Variants in ZBED1 observed in about 807,000 individuals in gnomAD.
The protein encoded by ZBED1 is zinc finger BED-type containing 1.
Under a neutral mutation model 49.7 loss-of-function variants are expected in ZBED1, and 19 were observed. That is an observed-to-expected ratio of 0.38 (90% CI 0.27 to 0.56). The LOEUF is 0.56. Ranked by LOEUF, ZBED1 falls within the 20% of genes least tolerant of loss-of-function variation. The pLI is 0.70. For synonymous variants in ZBED1, 439 were observed against 440.3 expected, an observed-to-expected ratio of 1.00 and a Z score of 0.04; for missense variants, 806 against 972.6, an observed-to-expected ratio of 0.83 and a Z score of 2.28.
At position 2,486,883 on chromosome X, in the gene ZBED1, T is replaced by G. The variant is rs1255521842; in HGVS notation, c.*1752A>C. ...TAACATTCTGTGCTGCTTGCAGCCC[T>G]GAGAAGTCAGCAGCCGTGAAAGGCA... On this transcript the variant is annotated 3_prime_UTR_variant, in exon 2 of 2. Transcript: ENST00000652001. 6.6e-6 allele frequency: 1 copy of G among 152,242 alleles called. No homozygotes were observed. The highest frequency in any genetic ancestry group is 1.5e-5 in the Non-Finnish European group (1 of 68,044). 9.4% of individuals were successfully genotyped at this position (152,242 alleles called of 1,614,324 possible).
In ZBED1 at chrX:2,489,463, G is replaced by T; in HGVS notation, c.1257C>A (p.Ile419=). 2 of 1,613,920 alleles carry T rather than the reference G, an allele frequency of 1.2e-6. No individual in the cohort carries two copies. The highest frequency in any genetic ancestry group is 8.5e-7 in the Non-Finnish European group (1 of 1,179,868). ...TGTGCAGCAGCGGCTTCACCATGCTGATGGTGGGGTACCTGGAGGCCGACA... is the reference window on the plus strand; with the variant it reads ...TGTGCAGCAGCGGCTTCACCATGCTTATGGTGGGGTACCTGGAGGCCGACA... The part of the protein sequence containing the change: ...EMLSASRYPT[I]SMVKPLLHML... Residue 419 remains isoleucine (I), a synonymous_variant, in exon 2 of 2, where the codon ATC becomes ATA. Transcript: ENST00000652001.
At position 2,500,805 on chromosome X, in the gene ZBED1, C is replaced by T. The variant is rs1167970270; in HGVS notation, c.-54+12G>A. ...GTCCCCGGAGCCCTGACCCCTGCCC[C>T]GCCCCGCTGACCTGGCTCCAGGAAG... On this transcript the variant is annotated intron_variant, in intron 1 of 1. Coordinates refer to ENST00000652001, the MANE Select transcript of ZBED1 (RefSeq NM_001171136.2). 9.2e-5 allele frequency: 103 copies of T among 1,120,598 alleles called. No homozygotes were observed. Among genetic ancestry groups the T allele is most frequent in the Non-Finnish European group, 1.1e-4 (103 of 914,930 alleles). 69.4% of individuals were successfully genotyped at this position (1,120,598 alleles called of 1,614,324 possible). A position where few individuals can be genotyped will look rare whatever the true frequency, so the allele number is the denominator to read the frequency against.
At chrX:2,497,163 A>T (rs2045306447) in intron 1 of ZBED1, among the ~76,000 whole-genome samples, 2 of 152,142 alleles carry the variant, frequency 1.3e-5, no homozygotes, top group African/African-American at 4.8e-5. Flanking sequence ...TGGGATGCCA[A>T]GGTGGACTAT....
rs867980730 is a variant in ZBED1, at chrX:2,486,982, C to T, written c.*1653G>A. 1 of 152,214 alleles carries T rather than the reference C, an allele frequency of 6.6e-6. No homozygotes were observed. The highest frequency in any genetic ancestry group is 2.1e-4 in the South Asian group (1 of 4,828). The allele number at this position is 152,214 out of a possible 1,614,324, so 9.4% of individuals were successfully genotyped here. A position where few individuals can be genotyped will look rare whatever the true frequency, so the allele number is the denominator to read the frequency against. On this transcript the variant is annotated 3_prime_UTR_variant, in exon 2 of 2. Coordinates refer to ENST00000652001, the MANE Select transcript of ZBED1 (RefSeq NM_001171136.2). ...AACACTGCCTGGAGCTGAGTGGGGT[C>T]ATCCCTCCTAGACACCGTTCTCCCC...
At chrX:2,493,365 T>C (rs192782714) in intron 1 of ZBED1, among the ~76,000 whole-genome samples, 115 of 152,196 alleles carry the variant, frequency 7.6e-4, no homozygotes, top group South Asian at 1.5e-3. Flanking sequence ...GTTTTGGTAA[T>C]TGGGAGGAAA....
At chrX:2,497,912 A>C (rs1466809499) in intron 1 of ZBED1, among the ~76,000 whole-genome samples, 1 of 152,208 alleles carries the variant, frequency 6.6e-6, no homozygotes, top group Non-Finnish European at 1.5e-5. Context: ...CACTGATTAA[A>C]TCATCTATTT....
intron 1 of ZBED1, among the ~76,000 whole-genome samples, chrX:2,495,769 C>CG (rs1569349919): frequency 6.7e-6 from 1 of 149,886 alleles, no homozygotes; most frequent in African/African-American, 2.5e-5. Flanking sequence ...ATCCCCAGTG[C>CG]GGGGGGAGGG....
chrX:2,496,695 G>T (rs1229707747), intron 1 of ZBED1, among the ~76,000 whole-genome samples: 1 of 151,804 alleles, frequency 6.6e-6, no homozygotes, highest in African/African-American at 2.4e-5. Flanking sequence ...AAAAATAGCG[G>T]GTGATAGATA....
At chrX:2,493,820 T>C (rs1351574448) in intron 1 of ZBED1, among the ~76,000 whole-genome samples, 2 of 151,966 alleles carry the variant, frequency 1.3e-5, no homozygotes, top group African/African-American at 4.8e-5. Flanking sequence ...AAATACAAAA[T>C]TAGCCGGGCG....
rs139785132 is a variant in ZBED1, at chrX:2,490,096, G to A, written c.624C>T (p.Arg208=). The change falls in exon 2 of 2, where the codon CGC becomes CGT. Residue 208 remains arginine, a synonymous_variant. Transcript: ENST00000652001. ...AGTGGGCGGCCAGCGTGACGTAGGC[G>A]CGGTTCTGATTCTCACTCCTCCACA... is the stretch of plus-strand genomic sequence containing the variant. ...TDMWRSENQN[R]AYVTLAAHFL... is the part of the protein sequence containing the mutation. 1.1e-4 allele frequency: 180 copies of A among 1,613,852 alleles called. No homozygotes were observed. In the African/African-American group the frequency reaches 1.6e-3, roughly 14 times the overall value.
intron 1 of ZBED1, among the ~76,000 whole-genome samples, chrX:2,499,373 G>T (rs1481200512): frequency 2.6e-5 from 4 of 152,106 alleles, no homozygotes; most frequent in African/African-American, 9.7e-5. Flanking sequence ...CTCTGTTTTG[G>T]AAAACTGTTA....
chrX:2,492,322 G>T, intron 1 of ZBED1, among the ~76,000 whole-genome samples: 1 of 152,268 alleles, frequency 6.6e-6, no homozygotes, highest in East Asian at 1.9e-4. Context: ...CACAGGAGAA[G>T]ACCACATGGA....
In ZBED1 at chrX:2,488,982, C is replaced by A; in HGVS notation, c.1738G>T (p.Val580Leu). ...AGGGGGTCTTCGTTGAGGCCAAGCA[C>A]CTTCTGGGACTTGAAGTTGCTCAGC... is the stretch of plus-strand genomic sequence containing the variant. ...EELSNFKSQK[V>L]LGLNEDPLKW... is the part of the protein sequence containing the mutation. Residue 580 changes from valine to leucine, a missense_variant, in exon 2 of 2, where the codon GTG becomes TTG. Physicochemically the swap from Val to Leu is conservative, Grantham distance 32 (BLOSUM62 1). Around this residue, in one of 2 missense-constraint regions of ZBED1, gnomAD observed 749 missense variants for 861.3 expected, o/e 0.87. Transcript: ENST00000652001. 1.2e-6 allele frequency: 2 copies of A among 1,603,740 alleles called. No homozygotes were observed. The highest frequency in any genetic ancestry group is 2.2e-5 in the South Asian group (2 of 89,500).
chrX:2,489,169 C>T lies in ZBED1; in HGVS notation c.1551G>A (p.Glu517=). 1.2e-6 allele frequency: 2 copies of T among 1,613,658 alleles called. No individual in the cohort carries two copies. The highest frequency in any genetic ancestry group is 1.7e-6 in the Non-Finnish European group (2 of 1,179,862). Residue 517 remains glutamate (E), a synonymous_variant, in exon 2 of 2, where the codon GAG becomes GAA. Coordinates refer to ENST00000652001, the MANE Select transcript of ZBED1 (RefSeq NM_001171136.2). ...CCTCGGGCACCGGGAAGATCTTGTC[C>T]TCAGCCGGCCGGTAGCCGCCGTCTT... is the stretch of plus-strand genomic sequence containing the variant. The part of the protein sequence containing the change: ...KVKDGGYRPA[E]DKIFPVPEEP...
In ZBED1 at chrX:2,488,519, G is replaced by A. The variant is rs913600200; in HGVS notation, c.*116C>T. On this transcript the variant is annotated 3_prime_UTR_variant, in exon 2 of 2. Coordinates refer to ENST00000652001, the MANE Select transcript of ZBED1 (RefSeq NM_001171136.2). ...TCTTTCCTTTTTCCACCTTCTAGGT[G>A]TCAAAGACAGTGGATGGTCTCTGAG... is the stretch of plus-strand genomic sequence containing the variant. The A allele has an allele frequency of 1.6e-4, 214 of 1,312,636 alleles. No individual in the cohort carries two copies. The highest frequency in any genetic ancestry group is 1.7e-4 in the Non-Finnish European group (164 of 971,428). The allele number at this position is 1,312,636 out of a possible 1,614,324, so 81.3% of individuals were successfully genotyped here. A position where few individuals can be genotyped will look rare whatever the true frequency, so the allele number is the denominator to read the frequency against.
In ZBED1 at chrX:2,488,841, T is replaced by G. The variant is rs1228126175; in HGVS notation, c.1879A>C (p.Asn627His). 2.5e-6 allele frequency: 4 copies of G among 1,613,736 alleles called. No homozygotes were observed. The highest frequency in any genetic ancestry group is 3.4e-6 in the Non-Finnish European group (4 of 1,179,828). ...APERLFGSAA[N>H]VVSAKRNRLA... ...CGGTTCCTCTTGGCGCTGACCACGT[T>G]GGCGGCGGATCCGAAGAGACGCTCA... Residue 627 changes from asparagine (N) to histidine (H), a missense_variant, in exon 2 of 2, where the codon AAC (asparagine) becomes CAC (histidine). By Grantham distance (68) the Asn-to-His change is moderately conservative. This residue lies in a region of ZBED1 where 749 missense variants were observed against 861.3 expected (regional missense o/e 0.87). Transcript: ENST00000652001.
intron 1 of ZBED1, chrX:2,500,438 G>C (rs1377056040): frequency 6.1e-6 from 1 of 165,192 alleles, no homozygotes; most frequent in African/African-American, 2.4e-5. Flanking sequence ...GGCGCGGGGC[G>C]TGCGAGCCCC....
rs763041799 is a variant in ZBED1 at position 2,489,538 on chromosome X, G to A, written c.1182C>T (p.Ile394=). Residue 394 remains isoleucine, a synonymous_variant, in exon 2 of 2, where the codon ATC becomes ATT. Transcript: ENST00000652001. ...LMLEASEWAT[I]EGLVELLQPF... is the part of the protein sequence containing the mutation. Reference sequence around the variant, plus strand: ...GCTGCAGGAGCTCCACCAGCCCCTCGATGGTGGCCCACTCGCTGGCCTCCA... The same window carrying A: ...GCTGCAGGAGCTCCACCAGCCCCTCAATGGTGGCCCACTCGCTGGCCTCCA... 1.4e-5 allele frequency: 22 copies of A among 1,612,792 alleles called. No individual in the cohort carries two copies. The South Asian group carries it at 1.5e-4, about 11-fold the overall frequency.
At chrX:2,495,773 G>A (rs761222119) in intron 1 of ZBED1, among the ~76,000 whole-genome samples, 1 of 152,194 alleles carries the variant, frequency 6.6e-6, no homozygotes, top group African/African-American at 2.4e-5. Context: ...CCAGTGCGGG[G>A]GGAGGGGGGT....
Sources: allele counts gnomAD v4.1 joint callset (sites outside exome capture counted in the v4.1 genomes callset), GRCh38; gene constraint gnomAD v4.1.1; regional missense constraint gnomAD v4.1.1; transcripts MANE v1.5; gene names NCBI Gene and HGNC (gene_info 2026-07-23, HGNC 2026-07-21).